ELAVL4: variants seen among roughly 807,000 people sequenced by gnomAD.
The protein encoded by ELAVL4 is ELAV-like protein 4.
ELAVL4 carries 1 observed loss-of-function variant against 35.6 expected under a neutral mutation model. The observed-to-expected ratio is 0.03, with a 90% CI of 0.01 to 0.13. The LOEUF is 0.13. Ranked by LOEUF, ELAVL4 falls within the 10% of genes least tolerant of loss-of-function variation. ELAVL4 has a pLI of 1.00. For missense variants in ELAVL4, 267 were observed against 464.9 expected (o/e 0.57, Z 3.91); for synonymous variants, 156 against 171.0 (o/e 0.91, Z 0.69).
At chr1:50,196,215 G>A (rs1644050208) in intron 5 of ELAVL4, among the ~76,000 whole-genome samples, 1 of 152,130 alleles carries the variant, frequency 6.6e-6, no homozygotes, top group South Asian at 2.1e-4. Context: ...CTTTTCCCTC[G>A]GCAGGTAACT....
rs1030712388 is a variant in ELAVL4, at chr1:50,078,142, G to GTGTGTGTA, written c.18+29961_18+29962insGTGTGTAT. Among the ~76,000 whole-genome samples, 55 of 145,816 alleles carry GTGTGTGTA rather than the reference G, an allele frequency of 3.8e-4. 1 individual carries two copies. The highest frequency in any genetic ancestry group is 1.3e-3 in the African/African-American group (52 of 39,678). On this transcript the variant is annotated intron_variant, in intron 1 of 6. Coordinates refer to the ELAVL4 transcript ENST00000448907. ...TGTGTGTGTGTGTGTGTGTGTGTGTGTATATAGTATTTGTGTGTTTATATA... is the reference window on the plus strand; with the variant it reads ...TGTGTGTGTGTGTGTGTGTGTGTGTGTGTGTGTATATATAGTATTTGTGTGTTTATATA...
chr1:50,146,134 T>A (rs957963288), intron 2 of ELAVL4, among the ~76,000 whole-genome samples: 1 of 150,744 alleles, frequency 6.6e-6, no homozygotes, highest in Non-Finnish European at 1.5e-5. Context: ...ACAGTTTAAT[T>A]AATCAGCAAC....
chr1:50,095,204 T>A (rs2148508859), intron 1 of ELAVL4, among the ~76,000 whole-genome samples: 1 of 152,236 alleles, frequency 6.6e-6, no homozygotes, highest in Admixed American at 6.5e-5. Flanking sequence ...CTCAAACCCG[T>A]CTTTTGACTC....
At chr1:50,106,793 A>G (rs571355599), upstream of ELAVL4, among the ~76,000 whole-genome samples, 3 of 152,314 alleles carry the variant, frequency 2.0e-5, no homozygotes, top group East Asian at 5.8e-4. Context: ...TCAATATACA[A>G]AATGCATGAA....
rs1330437149 is a variant in ELAVL4, at chr1:50,109,215, T to A, written c.9+17T>A. The A allele has an allele frequency of 6.2e-7, 1 of 1,612,054 alleles. No individual in the cohort carries two copies. The highest frequency in any genetic ancestry group is 8.5e-7 in the Non-Finnish European group (1 of 1,178,826). Reference sequence around the variant, plus strand: ...ATGGTTATGGTAGGTATGACTAGATTTATAATCTGTTGTTTGTGTTGCTGG... The same window carrying A: ...ATGGTTATGGTAGGTATGACTAGATATATAATCTGTTGTTTGTGTTGCTGG... On this transcript the variant is annotated intron_variant, in intron 1 of 6. Coordinates refer to ENST00000371824, the MANE Select transcript of ELAVL4 (RefSeq NM_001144774.3).
intron 1 of ELAVL4, among the ~76,000 whole-genome samples, chr1:50,078,453 T>G (rs1217236779): frequency 6.6e-6 from 1 of 152,126 alleles, no homozygotes; most frequent in South Asian, 2.1e-4. Context: ...GTTTCACAAG[T>G]ACTTCCCTTA....
intron 2 of ELAVL4, among the ~76,000 whole-genome samples, chr1:50,150,930 T>A (rs1674675645): frequency 6.6e-6 from 1 of 152,238 alleles, no homozygotes; most frequent in Non-Finnish European, 1.5e-5. Context: ...ATGCTTTAAA[T>A]ATAGTAGCTT....
At chr1:50,167,630 G>A (rs1260471083) in intron 2 of ELAVL4, among the ~76,000 whole-genome samples, 1 of 152,198 alleles carries the variant, frequency 6.6e-6, no homozygotes, top group Non-Finnish European at 1.5e-5. Context: ...CACCCTTGGT[G>A]AGTGGAAGTC....
chr1:50,073,525 A>G (rs1045211483), intron 1 of ELAVL4, among the ~76,000 whole-genome samples: 1 of 152,176 alleles, frequency 6.6e-6, no homozygotes, highest in African/African-American at 2.4e-5. Context: ...ATGCTAAATA[A>G]GGATTCGAGT....
chr1:50,065,522 A>G (rs1465968226), intron 1 of ELAVL4, among the ~76,000 whole-genome samples: 1 of 152,182 alleles, frequency 6.6e-6, no homozygotes, highest in Non-Finnish European at 1.5e-5. Context: ...TACTGCATAA[A>G]TTTATTGTGA....
Position 50,195,710 on chromosome 1 carries a change from G to A in ELAVL4, c.658G>A (p.Ala220Thr), listed in dbSNP as rs1572628509. 1 of 1,614,036 alleles carries A rather than the reference G, an allele frequency of 6.2e-7. No individual in the cohort carries two copies. The highest frequency in any genetic ancestry group is 1.3e-5 in the African/African-American group (1 of 74,928). ...CAACCCCAGCCAGAAGTCCAGCCAG[G>A]CCCTGCTCTCCCAGCTCTACCAGTC... is the stretch of plus-strand genomic sequence containing the variant. ...ANNPSQKSSQ[A>T]LLSQLYQSPN... Residue 220 changes from alanine (A) to threonine (T), a missense_variant, in exon 5 of 7, where the codon GCC becomes ACC. Ala to Thr is a moderately conservative substitution (Grantham distance 58, BLOSUM62 0). Transcript: ENST00000371824.
intron 2 of ELAVL4, among the ~76,000 whole-genome samples, chr1:50,151,938 G>A (rs1052733948): frequency 6.6e-6 from 1 of 152,100 alleles, no homozygotes; most frequent in Non-Finnish European, 1.5e-5. Flanking sequence ...CTTATTAAGG[G>A]GAACTTGAAG....
chr1:50,071,861 A>G (rs1664540916), intron 1 of ELAVL4, among the ~76,000 whole-genome samples: 2 of 152,172 alleles, frequency 1.3e-5, no homozygotes, highest in African/African-American at 4.8e-5. Flanking sequence ...AGGGTGTTGA[A>G]AAACTGTTGA....
chr1:50,109,419 C>G (rs1398685036), intron 1 of ELAVL4, among the ~76,000 whole-genome samples: 1 of 151,992 alleles, frequency 6.6e-6, no homozygotes, highest in Non-Finnish European at 1.5e-5. Context: ...TGTCAGTTTT[C>G]CCTTCAACAT....
At chr1:50,143,089 A>AG (rs1298591542) in intron 1 of ELAVL4, among the ~76,000 whole-genome samples, 1 of 152,170 alleles carries the variant, frequency 6.6e-6, no homozygotes, top group African/African-American at 2.4e-5. Flanking sequence ...GTTACCTTTG[A>AG]GGGGTGAGGT....
intron 3 of ELAVL4, among the ~76,000 whole-genome samples, chr1:50,189,629 T>G (rs1035482811): frequency 2.6e-4 from 39 of 151,836 alleles, no homozygotes; most frequent in Admixed American, 9.2e-4. Flanking sequence ...TTTTTGGGGG[T>G]TTTTTTCCGG....
chr1:50,063,541 C>A (rs1664109849), intron 1 of ELAVL4, among the ~76,000 whole-genome samples: 1 of 152,172 alleles, frequency 6.6e-6, no homozygotes, highest in Admixed American at 6.5e-5. Flanking sequence ...TTGCACTCAT[C>A]TATTTTGATA....
intron 1 of ELAVL4, among the ~76,000 whole-genome samples, chr1:50,048,546 C>T (rs1358333400): frequency 6.6e-6 from 1 of 152,198 alleles, no homozygotes; most frequent in Non-Finnish European, 1.5e-5. Context: ...CCTCTCTGCG[C>T]CTTTCCGTAG....
chr1:50,071,068 C>T (rs1419285647), intron 1 of ELAVL4, among the ~76,000 whole-genome samples: 3 of 152,124 alleles, frequency 2.0e-5, no homozygotes, highest in Admixed American at 2.0e-4. Flanking sequence ...GACCCTCACA[C>T]GGCTTCCTCC....
Sources: allele counts gnomAD v4.1 joint callset (sites outside exome capture counted in the v4.1 genomes callset), GRCh38; gene constraint gnomAD v4.1.1; transcripts MANE v1.5; gene names NCBI Gene and HGNC (gene_info 2026-07-23, HGNC 2026-07-21).